Variants in TIMELESS observed in about 807,000 individuals in gnomAD.
TIMELESS encodes timeless circadian regulator.
A neutral mutation model predicts 164.3 loss-of-function variants in TIMELESS; 124 were observed. That is an observed-to-expected ratio of 0.75 (90% CI 0.65 to 0.88). TIMELESS has a LOEUF of 0.88. Ranked by LOEUF, TIMELESS falls within the 40% of genes least tolerant of loss-of-function variation. The probability of loss-of-function intolerance (pLI) is 0.00; values close to 1 mark genes in which losing one functional copy is unlikely to be tolerated. For synonymous variants in TIMELESS, 564 were observed against 563.4 expected, an observed-to-expected ratio of 1.00 and a Z score of -0.02; for missense variants, 1,422 against 1,491.4, an observed-to-expected ratio of 0.95 and a Z score of 0.77.
chr12:56,440,518 C>A (rs1375684569), intron 1 of TIMELESS, among the ~76,000 whole-genome samples: 1 of 152,096 alleles, frequency 6.6e-6, no homozygotes, highest in Non-Finnish European at 1.5e-5. Flanking sequence ...TCTTTGAGAC[C>A]CAGTAGTATG....
intron 1 of TIMELESS, among the ~76,000 whole-genome samples, chr12:56,441,437 C>G (rs2136152825): frequency 6.6e-6 from 1 of 151,992 alleles, no homozygotes; most frequent in African/African-American, 2.4e-5. Flanking sequence ...GCCTGGGCAA[C>G]ATAGCGAAGC....
In TIMELESS at chr12:56,424,653, C is replaced by T. The variant is rs888670492; in HGVS notation, c.1868+109G>A. On this transcript the variant is annotated intron_variant, in intron 15 of 28. Coordinates refer to ENST00000553532, the MANE Select transcript of TIMELESS (RefSeq NM_003920.5). Reference sequence around the variant, plus strand: ...CCCAGGAGTCAGTTGGTATACAGTCCCAGAGCCTTGATGAGACAACTCTCT... The same window carrying T: ...CCCAGGAGTCAGTTGGTATACAGTCTCAGAGCCTTGATGAGACAACTCTCT... 2.1e-6 allele frequency: 3 copies of T among 1,401,858 alleles called. No individual in the cohort carries two copies. In the African/African-American group the frequency reaches 4.3e-5, roughly 20 times the overall value. The allele number at this position is 1,401,858 out of a possible 1,614,324, so 86.8% of individuals were successfully genotyped here. A position where few individuals can be genotyped will look rare whatever the true frequency, so the allele number is the denominator to read the frequency against.
chr12:56,439,009 C>T (rs1457677079), intron 1 of TIMELESS, among the ~76,000 whole-genome samples: 1 of 150,186 alleles, frequency 6.7e-6, no homozygotes, highest in African/African-American at 2.4e-5. Context: ...ACTAAAAATA[C>T]AAAAAAATTA....
chr12:56,440,973 A>G (rs1383715069), intron 1 of TIMELESS, among the ~76,000 whole-genome samples: 1 of 136,444 alleles, frequency 7.3e-6, no homozygotes, highest in Non-Finnish European at 1.6e-5. Context: ...CTGTGCCACC[A>G]TGCCAGGCTA....
Position 56,432,973 on chromosome 12 carries a change from A to G in TIMELESS, c.531+53T>C, listed in dbSNP as rs576281822. 2.0e-3 allele frequency: 2,419 copies of G among 1,227,306 alleles called. 2 individuals carry two copies. The highest frequency in any genetic ancestry group is 3.4e-3 in the South Asian group (238 of 70,934). 76.0% of individuals were successfully genotyped at this position (1,227,306 alleles called of 1,614,324 possible). A position where few individuals can be genotyped will look rare whatever the true frequency, so the allele number is the denominator to read the frequency against. ...CGTCTCAAAAAAAAAAAAAAAAAAA[A>G]AGGCAGCTCAACCTAACCATGCACA... On this transcript the variant is annotated intron_variant, in intron 6 of 28. Coordinates refer to ENST00000553532, the MANE Select transcript of TIMELESS (RefSeq NM_003920.5).
Position 56,441,483 on chromosome 12 carries a change from C to T in TIMELESS, c.-61-7252G>A, listed in dbSNP as rs960213268. Among the ~76,000 whole-genome samples the T allele has an allele frequency of 4.6e-5, 7 of 152,146 alleles. No homozygotes were observed. In the South Asian group the frequency reaches 1.0e-3, roughly 23 times the overall value. ...CAAAAAATAAAACACAAAAATCAGC[C>T]GGGCATGCTGATGTACACCTTTAGT... is the stretch of plus-strand genomic sequence containing the variant. On this transcript the variant is annotated intron_variant, in intron 1 of 28. Coordinates refer to ENST00000553532, the MANE Select transcript of TIMELESS (RefSeq NM_003920.5).
chr12:56,423,661 CT>C lies in TIMELESS; in HGVS notation c.2012del (p.Glu671GlyfsTer25). ...EERGAEEEEEEEEEEEEELQV... is the reference protein window; with the variant it reads ...EERGAEEEEEXEEEEEEELQV... ...GCAACTCCTCCTCTTCCTCCTCCTC[CT>C]CCTCTTCTTCTTCCTCTGCCCCACG... is the stretch of plus-strand genomic sequence containing the variant. On this transcript the variant is annotated frameshift_variant, in exon 17 of 29. Coordinates refer to ENST00000553532, the MANE Select transcript of TIMELESS (RefSeq NM_003920.5). LOFTEE classifies it high-confidence loss of function. The C allele has an allele frequency of 6.2e-7, 1 of 1,614,012 alleles. No individual in the cohort carries two copies. The highest frequency in any genetic ancestry group is 1.7e-5 in the Admixed American group (1 of 59,990).
rs750793363 is a variant in TIMELESS, at chr12:56,430,171, G to C, written c.1020C>G (p.Leu340=). ...ACTCAGAGCAGAAGTCTCTGAGGAAGAGCCTCACATTGAGGGCAGAACGGC... is the reference window on the plus strand; with the variant it reads ...ACTCAGAGCAGAAGTCTCTGAGGAACAGCCTCACATTGAGGGCAGAACGGC... ...IQRRSALNVR[L]FLRDFCSEFL... Residue 340 remains leucine, a synonymous_variant, in exon 10 of 29, where the codon CTC becomes CTG. Coordinates refer to ENST00000553532, the MANE Select transcript of TIMELESS (RefSeq NM_003920.5). 1 of 1,614,066 alleles carries C rather than the reference G, an allele frequency of 6.2e-7. No homozygotes were observed. Among genetic ancestry groups the C allele is most frequent in the South Asian group, 1.1e-5 (1 of 91,074 alleles).
In TIMELESS at chr12:56,425,116, C is replaced by CCTT. The variant is rs751809558; in HGVS notation, c.1612_1614dup (p.Lys538dup). On this transcript the variant is annotated inframe_insertion, in exon 14 of 29. Transcript: ENST00000553532. ...CCAGAAACAATGGCCTGGTCTAGGA[C>CCTT]CTTCTTCTTCTTCTTCCTTCTCTTC... 37 of 1,612,410 alleles carry CCTT rather than the reference C, an allele frequency of 2.3e-5. No homozygotes were observed. Among genetic ancestry groups the CCTT allele is most frequent in the Non-Finnish European group, 3.0e-5 (35 of 1,179,212 alleles).
At position 56,420,687 on chromosome 12, in the gene TIMELESS, C is replaced by G. The variant is rs1165925047; in HGVS notation, c.3110G>C (p.Gly1037Ala). ...IRAADDREEDGCSQAVPLVPL... is the reference protein window; with the variant it reads ...IRAADDREEDACSQAVPLVPL... ...CACCAATGGAACGGCCTGGGAGCAG[C>G]CTAAGACAGGGTCAATAGTCATATG... Residue 1037 changes from glycine to alanine, a missense_variant and splice_region_variant, in exon 26 of 29, where the codon GGC (glycine) becomes GCC (alanine). Coordinates refer to ENST00000553532, the MANE Select transcript of TIMELESS (RefSeq NM_003920.5). 1 of 1,614,022 alleles carries G rather than the reference C, an allele frequency of 6.2e-7. No homozygotes were observed. The highest frequency in any genetic ancestry group is 8.5e-7 in the Non-Finnish European group (1 of 1,180,018).
intron 1 of TIMELESS, among the ~76,000 whole-genome samples, chr12:56,436,992 G>A (rs928792999): frequency 2.0e-5 from 3 of 151,428 alleles, no homozygotes; most frequent in South Asian, 2.1e-4. Flanking sequence ...GTGTAGTGGC[G>A]TGATCTCGGC....
At chr12:56,428,691 T>A in intron 11 of TIMELESS, 39 bp from the exon 12 acceptor site, 1 of 1,578,236 alleles carries the variant, frequency 6.3e-7, no homozygotes, top group Non-Finnish European at 8.7e-7. Context: ...GAGGACAGCT[T>A]AGGGCAATGG....
chr12:56,439,718 G>C (rs1449936128), intron 1 of TIMELESS, among the ~76,000 whole-genome samples: 6 of 151,888 alleles, frequency 4.0e-5, no homozygotes, highest in African/African-American at 9.7e-5. Flanking sequence ...ACTTTAAAAG[G>C]GTGAATTTTA....
intron 1 of TIMELESS, among the ~76,000 whole-genome samples, chr12:56,436,920 C>A (rs1017464603): frequency 3.3e-5 from 5 of 151,728 alleles, no homozygotes; most frequent in African/African-American, 4.8e-5. Flanking sequence ...TGGCATATAG[C>A]GAGCATGCAA....
intron 1 of TIMELESS, among the ~76,000 whole-genome samples, chr12:56,447,098 C>T (rs555112178): frequency 3.3e-5 from 5 of 151,482 alleles, no homozygotes; most frequent in Admixed American, 2.6e-4. Flanking sequence ...CAACCTCCGC[C>T]TCCCGGGTTC....
rs540970015 is a variant in TIMELESS, at chr12:56,425,173, T to G, written c.1579-21A>C. 5 of 1,602,570 alleles carry G rather than the reference T, an allele frequency of 3.1e-6. No individual in the cohort carries two copies. In the East Asian group the frequency reaches 1.1e-4, roughly 36 times the overall value. On this transcript the variant is annotated intron_variant, in intron 13 of 28. Coordinates refer to ENST00000553532, the MANE Select transcript of TIMELESS (RefSeq NM_003920.5). The stretch of plus-strand genomic sequence containing the variant: ...TTGTTCTGTGGGGAAAGAATTGTAT[T>G]AGGATGTCAAGAGAGCTAAAGAGGG...
Position 56,420,048 on chromosome 12 carries a change from A to ATATATATG in TIMELESS, c.3228+520_3228+521insCATATATA, listed in dbSNP as rs1473074484. ...AAAAAAAATATATATATATATATATATGTGTGTGTGTGTGTGTGTGTGTAT... is the reference window on the plus strand; with the variant it reads ...AAAAAAAATATATATATATATATATATATATATGTGTGTGTGTGTGTGTGTGTGTGTAT... On this transcript the variant is annotated intron_variant, in intron 26 of 28. Transcript: ENST00000553532. Among the ~76,000 whole-genome samples the ATATATATG allele has an allele frequency of 1.0e-4, 9 of 87,326 alleles. No homozygotes were observed. In the East Asian group the frequency reaches 1.1e-3, roughly 11 times the overall value. 57.3% of individuals were successfully genotyped at this position (87,326 alleles called of 152,430 possible). A position where few individuals can be genotyped will look rare whatever the true frequency, so the allele number is the denominator to read the frequency against.
At chr12:56,441,765 G>A (rs1312997637) in intron 1 of TIMELESS, among the ~76,000 whole-genome samples, 1 of 151,556 alleles carries the variant, frequency 6.6e-6, no homozygotes, top group Non-Finnish European at 1.5e-5. Flanking sequence ...CAGGTGCAAT[G>A]GTAGCGCTAA....
intron 11 of TIMELESS, 73 bp downstream of exon 11, chr12:56,428,810 G>GA: frequency 6.4e-7 from 1 of 1,556,314 alleles, no homozygotes; most frequent in South Asian, 1.1e-5. Flanking sequence ...CCTGAATCAG[G>GA]AAAAAAGCAC....
Sources: allele counts gnomAD v4.1 joint callset (sites outside exome capture counted in the v4.1 genomes callset), GRCh38; gene constraint gnomAD v4.1.1; transcripts MANE v1.5; gene names NCBI Gene and HGNC (gene_info 2026-07-23, HGNC 2026-07-21).